The following CNTN1 variants were observed in gnomAD, a reference collection of about 807,000 sequenced individuals.
CNTN1 encodes contactin-1.
Under a neutral mutation model 126.4 loss-of-function variants are expected in CNTN1, and 38 were observed. The ratio of observed to expected loss-of-function variants is 0.30; its 90% CI spans 0.23 to 0.39. CNTN1 has a LOEUF of 0.39. Ranked by LOEUF, CNTN1 falls within the 10% of genes least tolerant of loss-of-function variation. CNTN1 has a pLI of 1.00. For synonymous variants in CNTN1, 413 were observed against 422.6 expected (o/e 0.98, Z 0.28); for missense variants, 1,009 against 1,248.4 (o/e 0.81, Z 2.89).
At chr12:40,773,654 T>C (rs868066857) in intron 1 of CNTN1, among the ~76,000 whole-genome samples, 24 of 5,486 alleles carry the variant, frequency 4.4e-3, no homozygotes, top group African/African-American at 5.9e-3. Flanking sequence ...TATATATATA[T>C]ACACATATAT....
chr12:40,974,118 G>T (rs1043989223), intron 15 of CNTN1, among the ~76,000 whole-genome samples: 1 of 152,104 alleles, frequency 6.6e-6, no homozygotes, highest in Non-Finnish European at 1.5e-5. Context: ...GTTTACATAT[G>T]AATGAAAACT....
chr12:40,947,782 TACACAC>T (rs56852774), intron 14 of CNTN1, among the ~76,000 whole-genome samples: 4,410 of 118,770 alleles, frequency 0.037, 240 homozygotes, highest in African/African-American at 0.1. Flanking sequence ...TATATATATA[TACACAC>T]ACACACACAC....
chr12:40,783,422 G>T (rs1939883073), intron 1 of CNTN1, among the ~76,000 whole-genome samples: 1 of 152,006 alleles, frequency 6.6e-6, no homozygotes, highest in Non-Finnish European at 1.5e-5. Flanking sequence ...TGTGAGTTTT[G>T]AATTTGTTTT....
intron 1 of CNTN1, among the ~76,000 whole-genome samples, chr12:40,804,600 G>T (rs1860607402): frequency 6.6e-6 from 1 of 151,966 alleles, no homozygotes; most frequent in Non-Finnish European, 1.5e-5. Context: ...TAAGATTTAA[G>T]ATGCATCAAG....
intron 1 of CNTN1, among the ~76,000 whole-genome samples, chr12:40,869,388 C>T (rs750964323): frequency 2.6e-5 from 4 of 151,678 alleles, no homozygotes; most frequent in African/African-American, 9.7e-5. Flanking sequence ...CCAACTCAGT[C>T]GCCAGAGTAA....
At chr12:41,005,735 A>C (rs1171943150) in intron 17 of CNTN1, among the ~76,000 whole-genome samples, 1 of 152,094 alleles carries the variant, frequency 6.6e-6, no homozygotes, top group East Asian at 1.9e-4. Flanking sequence ...TGATTGCATT[A>C]TGAAATTCTT....
At chr12:40,913,550 A>G (rs1483115049) in intron 3 of CNTN1, among the ~76,000 whole-genome samples, 1 of 152,194 alleles carries the variant, frequency 6.6e-6, no homozygotes, top group Non-Finnish European at 1.5e-5. Flanking sequence ...TTACTAACTA[A>G]CAGATTGAGG....
At chr12:40,800,214 C>A (rs1940593912) in intron 1 of CNTN1, among the ~76,000 whole-genome samples, 1 of 151,920 alleles carries the variant, frequency 6.6e-6, no homozygotes, top group African/African-American at 2.4e-5. Context: ...AAGTGTCTGG[C>A]ATTTCCTCTG....
chr12:41,055,276 G>A (rs1290989104), intron 23 of CNTN1, among the ~76,000 whole-genome samples: 2 of 151,998 alleles, frequency 1.3e-5, no homozygotes, highest in African/African-American at 4.8e-5. Context: ...TACTTTTTGT[G>A]AATATCCAGG....
intron 1 of CNTN1, among the ~76,000 whole-genome samples, chr12:40,903,972 G>A (rs1051348001): frequency 7.2e-5 from 11 of 152,246 alleles, no homozygotes; most frequent in African/African-American, 2.4e-4. Context: ...TCCCTAACAA[G>A]GATCAAAGCC....
chr12:41,039,450 C>A (rs1197856234), intron 23 of CNTN1, among the ~76,000 whole-genome samples: 5 of 152,116 alleles, frequency 3.3e-5, no homozygotes, highest in African/African-American at 9.7e-5. Flanking sequence ...CAGACCAGCA[C>A]AATCATCTCC....
At chr12:41,060,602 G>A (rs1949919965) in intron 23 of CNTN1, among the ~76,000 whole-genome samples, 1 of 152,172 alleles carries the variant, frequency 6.6e-6, no homozygotes, top group Non-Finnish European at 1.5e-5. Context: ...TCACAAAGTT[G>A]GGGCTGTAAA....
chr12:40,927,750 A>G (rs1945744061), intron 6 of CNTN1, among the ~76,000 whole-genome samples: 1 of 152,130 alleles, frequency 6.6e-6, no homozygotes, highest in African/African-American at 2.4e-5. Context: ...ATTTTGCAAA[A>G]TAAGTAAATT....
rs1992607 is a variant in CNTN1 at position 40,692,833 on chromosome 12, A to G, written c.-77+241A>G. Reference sequence around the variant, plus strand: ...GCAAGGCAGGACGGCAGTGCCCTAGAAGAGGGCTCCGAGCTCGGGGTCTGT... The same window carrying G: ...GCAAGGCAGGACGGCAGTGCCCTAGGAGAGGGCTCCGAGCTCGGGGTCTGT... On this transcript the variant is annotated intron_variant, in intron 1 of 23. Coordinates refer to ENST00000551295, the MANE Select transcript of CNTN1 (RefSeq NM_001843.4). Among the ~76,000 whole-genome samples the G allele has an allele frequency of 0.89, 135,260 of 152,146 alleles. 60,245 individuals are homozygous for G. The highest frequency in any genetic ancestry group is 1 in the East Asian group (5,112 of 5,120).
At chr12:40,812,943 A>ATT (rs36133223) in intron 1 of CNTN1, among the ~76,000 whole-genome samples, 6 of 131,700 alleles carry the variant, frequency 4.6e-5, no homozygotes, top group East Asian at 2.3e-4. Context: ...CAGTTTGTTA[A>ATT]TTTTTTTTTT....
At chr12:40,870,174 T>C (rs1262014913) in intron 1 of CNTN1, among the ~76,000 whole-genome samples, 1 of 151,672 alleles carries the variant, frequency 6.6e-6, no homozygotes, top group African/African-American at 2.4e-5. Context: ...ATCTCTTTTT[T>C]TTTTTTCTAA....
chr12:40,984,023 TCACA>T (rs1269020214), intron 16 of CNTN1, among the ~76,000 whole-genome samples: 2 of 148,478 alleles, frequency 1.3e-5, no homozygotes, highest in African/African-American at 4.9e-5. Flanking sequence ...AATATATTAC[TCACA>T]CACAGAGGAT....
chr12:40,767,171 C>G (rs1939127889), intron 1 of CNTN1, among the ~76,000 whole-genome samples: 2 of 151,702 alleles, frequency 1.3e-5, no homozygotes, highest in South Asian at 4.1e-4. Context: ...TTCAAATTTC[C>G]AATTTATTTT....
At chr12:40,862,236 C>CACACAT (rs200523106) in intron 1 of CNTN1, among the ~76,000 whole-genome samples, 1 of 151,480 alleles carries the variant, frequency 6.6e-6, no homozygotes, top group African/African-American at 2.4e-5. Flanking sequence ...CACACACACA[C>CACACAT]GAAATATTTT....
Sources: gnomAD v4.1 joint callset for allele counts (sites outside exome capture counted in the v4.1 genomes callset) on GRCh38, gnomAD v4.1.1 for gene constraint, MANE v1.5 for transcripts, NCBI Gene and HGNC (gene_info 2026-07-23, HGNC 2026-07-21) for gene names.